Variants in DLGAP2 observed in about 807,000 individuals in gnomAD.
The protein encoded by DLGAP2 is disks large-associated protein 2.
Under a neutral mutation model 100.3 loss-of-function variants are expected in DLGAP2, and 26 were observed. The ratio of observed to expected loss-of-function variants is 0.26; its 90% CI spans 0.19 to 0.36. The LOEUF is 0.36. Ranked by LOEUF, DLGAP2 falls within the 10% of genes least tolerant of loss-of-function variation. The pLI, the probability that DLGAP2 is intolerant of heterozygous loss-of-function variation, is 1.00. For synonymous variants in DLGAP2, 886 were observed against 630.1 expected (o/e 1.41, Z -6.08); for missense variants, 1,858 against 1,453.2 (o/e 1.28, Z -4.53).
chr8:750,605 G>A (rs934854192), intron 1 of DLGAP2, among the ~76,000 whole-genome samples: 2 of 152,192 alleles, frequency 1.3e-5, no homozygotes, highest in Non-Finnish European at 2.9e-5. Flanking sequence ...AACTACAAGT[G>A]AGCTATTATT....
chr8:1,564,395 A>G (rs770805722), intron 5 of DLGAP2, among the ~76,000 whole-genome samples: 2 of 152,206 alleles, frequency 1.3e-5, no homozygotes, highest in Non-Finnish European at 2.9e-5. Flanking sequence ...CCCTCCCCTC[A>G]GAGAGACACG....
chr8:1,592,319 T>G (rs548332608), intron 6 of DLGAP2, among the ~76,000 whole-genome samples: 13 of 152,298 alleles, frequency 8.5e-5, no homozygotes, highest in African/African-American at 2.6e-4. Context: ...AATCTTTAAT[T>G]ATGAAAACTC....
At chr8:986,556 G>C (rs1485032304) in intron 2 of DLGAP2, among the ~76,000 whole-genome samples, 1 of 152,022 alleles carries the variant, frequency 6.6e-6, no homozygotes, top group East Asian at 1.9e-4. Flanking sequence ...TACTGAGAGA[G>C]AGAAAGGGGC....
intron 2 of DLGAP2, among the ~76,000 whole-genome samples, chr8:1,243,934 T>G (rs1798851487): frequency 6.6e-6 from 1 of 152,216 alleles, no homozygotes; most frequent in Non-Finnish European, 1.5e-5. Context: ...GTCCCTGCTG[T>G]GTGTCCTCAT....
intron 3 of DLGAP2, among the ~76,000 whole-genome samples, chr8:1,316,245 C>T (rs369344418): frequency 0.083 from 9,038 of 108,622 alleles, 56 homozygotes; most frequent in Non-Finnish European, 0.1. Flanking sequence ...ACTCGAGAAA[C>T]TCGGCAGCTT....
At chr8:843,708 T>C (rs1196950689) in intron 1 of DLGAP2, among the ~76,000 whole-genome samples, 1 of 152,218 alleles carries the variant, frequency 6.6e-6, no homozygotes, top group Non-Finnish European at 1.5e-5. Flanking sequence ...ATATGATTGG[T>C]CTGGGAGGAT....
chr8:1,202,277 T>C (rs1006615101), intron 2 of DLGAP2, among the ~76,000 whole-genome samples: 1 of 139,208 alleles, frequency 7.2e-6, no homozygotes, highest in Non-Finnish European at 1.5e-5. Flanking sequence ...TGTGTGTCTG[T>C]GGTGCATGTA....
chr8:1,484,112 C>A (rs34197622), intron 3 of DLGAP2, among the ~76,000 whole-genome samples: 150 of 152,208 alleles, frequency 9.9e-4, no homozygotes, highest in Non-Finnish European at 1.9e-3. Flanking sequence ...CCAGCGTGGG[C>A]TGAGGAGCTG....
intron 2 of DLGAP2, among the ~76,000 whole-genome samples, chr8:1,237,177 A>T (rs1239743305): frequency 1.5e-5 from 2 of 132,826 alleles, no homozygotes; most frequent in Non-Finnish European, 3.2e-5. Flanking sequence ...GTTCTCTCAC[A>T]TGGCGCCGTG....
chr8:800,953 C>CA (rs1306024385), intron 1 of DLGAP2, among the ~76,000 whole-genome samples: 1 of 151,948 alleles, frequency 6.6e-6, no homozygotes, highest in Non-Finnish European at 1.5e-5. Flanking sequence ...GTTGTGCCCC[C>CA]CCACCCTTCC....
At chr8:1,493,348 G>A (rs1799448639) in intron 3 of DLGAP2, among the ~76,000 whole-genome samples, 1 of 152,208 alleles carries the variant, frequency 6.6e-6, no homozygotes. Flanking sequence ...TGTGGACCCA[G>A]CGTGTAGACA....
intron 4 of DLGAP2, among the ~76,000 whole-genome samples, chr8:1,503,931 G>A (rs1799811458): frequency 1.3e-5 from 2 of 152,136 alleles, no homozygotes; most frequent in Non-Finnish European, 1.5e-5. Context: ...TAGCCATCTG[G>A]TGAGCCCAGG....
intron 2 of DLGAP2, among the ~76,000 whole-genome samples, chr8:1,230,698 A>T (rs967737090): frequency 4.6e-5 from 7 of 152,212 alleles, no homozygotes; most frequent in African/African-American, 1.7e-4. Context: ...CCCAGAAATG[A>T]ACCCATACAG....
chr8:1,412,646 A>G (rs1429864182), intron 3 of DLGAP2, among the ~76,000 whole-genome samples: 1 of 152,184 alleles, frequency 6.6e-6, no homozygotes, highest in Non-Finnish European at 1.5e-5. Context: ...AATGGAGCCC[A>G]CTGTGAAGAT....
intron 1 of DLGAP2, among the ~76,000 whole-genome samples, chr8:776,919 C>T (rs571593645): frequency 7.9e-5 from 12 of 152,206 alleles, no homozygotes; most frequent in African/African-American, 2.9e-4. Context: ...GACTTTCTGT[C>T]TCGTTGATCT....
chr8:1,699,759 C>T (rs1799515665), intron 14 of DLGAP2, among the ~76,000 whole-genome samples: 1 of 152,228 alleles, frequency 6.6e-6, no homozygotes, highest in African/African-American at 2.4e-5. Flanking sequence ...CTTAAAAATT[C>T]CCTGGGATGG....
chr8:1,226,959 A>G lies in DLGAP2; in HGVS notation c.74-31892A>G, dbSNP rs982370312. ...ATGGAAAACAGTATCGACGTTCCTA[A>G]GGAAAGTAAAAATAGAATTACCCTA... On this transcript the variant is annotated intron_variant, in intron 2 of 14. Coordinates refer to ENST00000637795, the MANE Select transcript of DLGAP2 (RefSeq NM_001346810.2). 2.0e-5 allele frequency among the ~76,000 whole-genome samples: 3 copies of G among 151,672 alleles called. No individual in the cohort carries two copies. In the East Asian group the frequency reaches 5.8e-4, roughly 29 times the overall value.
chr8:1,349,143 C>T (rs1801642694), intron 3 of DLGAP2, among the ~76,000 whole-genome samples: 1 of 151,236 alleles, frequency 6.6e-6, no homozygotes, highest in South Asian at 2.2e-4. Context: ...GGTCTCTTTC[C>T]CTTCCCGTTC....
intron 2 of DLGAP2, among the ~76,000 whole-genome samples, chr8:1,197,778 T>A (rs1252640286): frequency 6.6e-6 from 1 of 152,234 alleles, no homozygotes; most frequent in Admixed American, 6.5e-5. Flanking sequence ...CCACCAGATG[T>A]CCACATGAAC....
Sources: allele counts gnomAD v4.1 joint callset (sites outside exome capture counted in the v4.1 genomes callset), GRCh38; gene constraint gnomAD v4.1.1; transcripts MANE v1.5; gene names NCBI Gene and HGNC (gene_info 2026-07-23, HGNC 2026-07-21).